ATP11B: variants seen among roughly 807,000 people sequenced by gnomAD.
ATP11B encodes the protein phospholipid-transporting ATPase IF.
A neutral mutation model predicts 157.8 loss-of-function variants in ATP11B; 81 were observed. That is an observed-to-expected ratio of 0.51 (90% CI 0.43 to 0.62). The LOEUF is 0.62. Among genes scored for constraint, ATP11B ranks in the 20% least tolerant of loss-of-function variants. The pLI is 0.00. For missense variants in ATP11B, 1,165 were observed against 1,402.2 expected (o/e 0.83, Z 2.70); for synonymous variants, 451 against 469.4 (o/e 0.96, Z 0.51).
At chr3:182,915,856 T>G (rs1725107023) in intron 29 of ATP11B, 1 of 970,948 alleles carries the variant, frequency 1.0e-6, no homozygotes, top group African/African-American at 1.8e-5. Flanking sequence ...CGCCATATTG[T>G]TTTTTTCTGA....
intron 8 of ATP11B, among the ~76,000 whole-genome samples, chr3:182,844,988 TTTTTTA>T (rs1488782222): frequency 0.019 from 2,207 of 115,168 alleles, 72 homozygotes; most frequent in African/African-American, 0.073. Context: ...CAGCCTTTTT[TTTTTTA>T]TTTTTTTTTT....
Position 182,836,378 on chromosome 3 carries a change from T to C in ATP11B, c.460T>C (p.Phe154Leu), listed in dbSNP as rs754152705. ...DIVRIAKDEI[F>L]PADLVLLSSD... ...TGTTCGAATAGCCAAAGATGAAATT[T>C]TTCCTGCAGACTTGGTGCTTCTGTC... The change falls in exon 6 of 30, where the codon TTT (phenylalanine) becomes CTT (leucine). Residue 154 changes from phenylalanine to leucine, a missense_variant. This residue lies in a region of ATP11B where 737 missense variants were observed against 930.5 expected (regional missense o/e 0.79). Coordinates refer to ENST00000323116, the MANE Select transcript of ATP11B (RefSeq NM_014616.3). 20 of 1,613,804 alleles carry C rather than the reference T, an allele frequency of 1.2e-5. 1 individual carries two copies. The Admixed American group carries it at 2.8e-4, about 23-fold the overall frequency.
At chr3:182,887,544 A>G (rs368323952) in intron 23 of ATP11B, 42 bp from the exon 24 acceptor site, 11 of 1,578,828 alleles carry the variant, frequency 7.0e-6, no homozygotes, top group South Asian at 1.2e-5. Flanking sequence ...ATAGTAATGC[A>G]TAATTCAGAA....
At chr3:182,816,157 A>G (rs1716958936) in intron 1 of ATP11B, among the ~76,000 whole-genome samples, 1 of 152,172 alleles carries the variant, frequency 6.6e-6, no homozygotes, top group Admixed American at 6.5e-5. Flanking sequence ...AGAAAAAAAA[A>G]GGGATTTTGA....
At chr3:182,805,023 A>G (rs1716243529) in intron 1 of ATP11B, among the ~76,000 whole-genome samples, 1 of 152,192 alleles carries the variant, frequency 6.6e-6, no homozygotes, top group Non-Finnish European at 1.5e-5. Flanking sequence ...TAATTCATCC[A>G]TCAATTGATG....
chr3:182,820,284 G>A lies in ATP11B; in HGVS notation c.52G>A (p.Asp18Asn), dbSNP rs774430043. ...GGGTTTTGACCCACCACATCAGAGT[G>A]ACACAAGAACCATCTACGTAGCCAA... ...QLGFDPPHQS[D>N]TRTIYVANRF... Residue 18 changes from aspartate (D) to asparagine (N), a missense_variant, in exon 2 of 30, where the codon GAC becomes AAC. Physicochemically the swap from Asp to Asn is conservative, Grantham distance 23. Transcript: ENST00000323116. 2 of 1,613,986 alleles carry A rather than the reference G, an allele frequency of 1.2e-6. No individual in the cohort carries two copies. Among genetic ancestry groups the A allele is most frequent in the Non-Finnish European group, 1.7e-6 (2 of 1,179,872 alleles).
At chr3:182,815,057 T>C (rs1190410119) in intron 1 of ATP11B, among the ~76,000 whole-genome samples, 1 of 152,156 alleles carries the variant, frequency 6.6e-6, no homozygotes, top group Admixed American at 6.5e-5. Context: ...AGTAAAACTT[T>C]GGCAAATGAT....
At chr3:182,871,973 G>A (rs1164252434) in intron 17 of ATP11B, among the ~76,000 whole-genome samples, 1 of 152,018 alleles carries the variant, frequency 6.6e-6, no homozygotes, top group Non-Finnish European at 1.5e-5. Context: ...CCGCCACTAT[G>A]CCCGCCCAAT....
chr3:182,877,768 G>C (rs1187917565), intron 19 of ATP11B, among the ~76,000 whole-genome samples: 3 of 152,170 alleles, frequency 2.0e-5, no homozygotes, highest in Admixed American at 6.5e-5. Flanking sequence ...AGGGTATGAA[G>C]AGTAGTGATG....
chr3:182,891,910 T>A (rs1723199970), intron 25 of ATP11B, among the ~76,000 whole-genome samples: 1 of 152,204 alleles, frequency 6.6e-6, no homozygotes, highest in Non-Finnish European at 1.5e-5. Flanking sequence ...ATCCCCACCT[T>A]ATAGGTTTGA....
intron 7 of ATP11B, among the ~76,000 whole-genome samples, chr3:182,839,602 A>ATTTT (rs1175482620): frequency 1.1e-3 from 40 of 35,618 alleles, no homozygotes; most frequent in East Asian, 8.3e-3. Flanking sequence ...CATTTTTTAA[A>ATTTT]TATTTATTTT....
At chr3:182,914,062 G>C in intron 29 of ATP11B, 68 bp downstream of exon 29, 1 of 1,586,622 alleles carries the variant, frequency 6.3e-7, no homozygotes, top group Non-Finnish European at 8.6e-7. Flanking sequence ...TGAACCTGCC[G>C]CTCTAGATAC....
chr3:182,848,498 G>T lies in ATP11B; in HGVS notation c.792G>T (p.Met264Ile). 1 of 1,574,440 alleles carries T rather than the reference G, an allele frequency of 6.4e-7. No individual in the cohort carries two copies. The highest frequency in any genetic ancestry group is 1.2e-5 in the South Asian group (1 of 82,542). ...EIFGVAVYTGMETKMALNYKS... is the reference protein window; with the variant it reads ...EIFGVAVYTGIETKMALNYKS... ...CAGGTGTTGCGGTATACACTGGAAT[G>T]GAAACTAAGATGGCATTAAATTACA... Residue 264 changes from methionine to isoleucine, a missense_variant, in exon 10 of 30, where the codon ATG (methionine) becomes ATT (isoleucine). Physicochemically the swap from Met to Ile is conservative, Grantham distance 10. Transcript: ENST00000323116.
chr3:182,916,585 C>T (rs72625003), intron 29 of ATP11B: 230,965 of 984,702 alleles, frequency 0.23, 28,135 homozygotes, highest in East Asian at 0.55. Flanking sequence ...ATTTTCTGTT[C>T]GTGTATTACT....
chr3:182,898,909 T>C (rs1207015826), intron 28 of ATP11B, 137 bp downstream of exon 28: 1 of 525,364 alleles, frequency 1.9e-6, no homozygotes. Flanking sequence ...AACATAAACA[T>C]TGTTCAGTGT....
chr3:182,880,495 A>T (rs973147591), intron 20 of ATP11B, among the ~76,000 whole-genome samples: 1 of 152,182 alleles, frequency 6.6e-6, no homozygotes, highest in African/African-American at 2.4e-5. Flanking sequence ...AAATTTTACT[A>T]CAAGAGGAAA....
At chr3:182,887,509 A>T in intron 23 of ATP11B, 77 bp from the exon 24 acceptor site, 1 of 1,247,896 alleles carries the variant, frequency 8.0e-7, no homozygotes, top group Non-Finnish European at 1.1e-6. Context: ...TTTTGTTTTT[A>T]ATATGCATAG....
chr3:182,856,240 A>G (rs529231757), intron 10 of ATP11B, among the ~76,000 whole-genome samples: 1 of 152,326 alleles, frequency 6.6e-6, no homozygotes, highest in African/African-American at 2.4e-5. Context: ...GGAAGTTAAA[A>G]CTAATACACA....
At chr3:182,917,612 T>TA (rs1725224768) in intron 29 of ATP11B, 26 of 985,360 alleles carry the variant, frequency 2.6e-5, no homozygotes, top group Non-Finnish European at 3.1e-5. Context: ...AATAGGAACA[T>TA]ACTACTGTTT....
Sources: gnomAD v4.1 joint callset for allele counts (sites outside exome capture counted in the v4.1 genomes callset) on GRCh38, gnomAD v4.1.1 for gene constraint, gnomAD v4.1.1 regional missense constraint, MANE v1.5 for transcripts, NCBI Gene and HGNC (gene_info 2026-07-23, HGNC 2026-07-21) for gene names.